OCIAD1: variants seen among roughly 807,000 people sequenced by gnomAD.
The protein encoded by OCIAD1 is OCIA domain containing 1.
A neutral mutation model predicts 38.9 loss-of-function variants in OCIAD1; 29 were observed. That is an observed-to-expected ratio of 0.74 (90% CI 0.55 to 1.02). OCIAD1 has a LOEUF of 1.02. Ranked by LOEUF, OCIAD1 falls within the 50% of genes least tolerant of loss-of-function variation. The pLI is 0.00. For synonymous variants in OCIAD1, 110 were observed against 92.0 expected (o/e 1.20, Z -1.12); for missense variants, 288 against 289.6 (o/e 0.99, Z 0.04).
chr4:48,828,901 A>T (rs1188633759), upstream of OCIAD1, among the ~76,000 whole-genome samples: 1 of 152,200 alleles, frequency 6.6e-6, no homozygotes, highest in Non-Finnish European at 1.5e-5. Flanking sequence ...CTGGCTCAGT[A>T]AGTATAAAGA....
At chr4:48,852,743 C>CA (rs1216873636) in intron 7 of OCIAD1, among the ~76,000 whole-genome samples, 13 of 151,876 alleles carry the variant, frequency 8.6e-5, no homozygotes, top group African/African-American at 2.7e-4. Flanking sequence ...ATAATAGACT[C>CA]AAAAAACATT....
intron 1 of OCIAD1, among the ~76,000 whole-genome samples, chr4:48,807,684 C>G (rs1266232489): frequency 6.6e-6 from 1 of 152,146 alleles, no homozygotes; most frequent in Non-Finnish European, 1.5e-5. Flanking sequence ...CAAGCAAAAT[C>G]AACTGAGAGC....
At chr4:48,812,131 A>C (rs1366693977) in intron 1 of OCIAD1, among the ~76,000 whole-genome samples, 1 of 151,742 alleles carries the variant, frequency 6.6e-6, no homozygotes, top group Non-Finnish European at 1.5e-5. Flanking sequence ...AAATACAAAA[A>C]AATTAGCCAG....
intron 1 of OCIAD1, among the ~76,000 whole-genome samples, chr4:48,813,084 C>T (rs1480205267): frequency 6.6e-6 from 1 of 152,192 alleles, no homozygotes; most frequent in Non-Finnish European, 1.5e-5. Flanking sequence ...ATTCCACAGG[C>T]TCTTGTCATG....
At chr4:48,805,873 A>G (rs1355225527) in intron 1 of OCIAD1, among the ~76,000 whole-genome samples, 4 of 152,228 alleles carry the variant, frequency 2.6e-5, no homozygotes, top group Non-Finnish European at 5.9e-5. Context: ...TGATCTCTAG[A>G]AAAGATAATA....
At chr4:48,805,985 CG>C (rs1560404989) in intron 1 of OCIAD1, among the ~76,000 whole-genome samples, 1 of 152,072 alleles carries the variant, frequency 6.6e-6, no homozygotes, top group East Asian at 1.9e-4. Flanking sequence ...AAAAACAGGC[CG>C]GGCATGGTGG....
chr4:48,821,920 C>T (rs1229702048), intron 1 of OCIAD1, among the ~76,000 whole-genome samples: 1 of 152,168 alleles, frequency 6.6e-6, no homozygotes, highest in East Asian at 1.9e-4. Context: ...GAAAAACATT[C>T]CATGCTCATG....
chr4:48,855,724 G>A (rs1345235873), intron 7 of OCIAD1, among the ~76,000 whole-genome samples: 1 of 151,786 alleles, frequency 6.6e-6, no homozygotes, highest in South Asian at 2.1e-4. Flanking sequence ...GCTCAGGCAG[G>A]ACAATCACTG....
In OCIAD1 at chr4:48,861,350, A is replaced by G. The variant is rs1037349090; in HGVS notation, c.*588A>G. On this transcript the variant is annotated 3_prime_UTR_variant, in exon 9 of 9. Coordinates refer to ENST00000264312, the MANE Select transcript of OCIAD1 (RefSeq NM_017830.4). ...GTAGGTATAGGAAATAAAGTCATCT[A>G]TAATATTTCTATAATATGGCTATAA... 1.5e-4 allele frequency: 23 copies of G among 152,280 alleles called. No homozygotes were observed. Among genetic ancestry groups the G allele is most frequent in the African/African-American group, 5.1e-4 (21 of 41,444 alleles). The allele number at this position is 152,280 out of a possible 1,614,324, so 9.4% of individuals were successfully genotyped here.
upstream of OCIAD1, among the ~76,000 whole-genome samples, chr4:48,829,129 G>A (rs1190687408): frequency 6.6e-6 from 1 of 152,010 alleles, no homozygotes; most frequent in Non-Finnish European, 1.5e-5. Context: ...GCGTGGTGGT[G>A]CACACCTGTG....
intron 5 of OCIAD1, 37 bp from the exon 6 acceptor site, chr4:48,849,910 C>T: frequency 1.9e-6 from 3 of 1,555,910 alleles, no homozygotes; most frequent in Middle Eastern, 1.7e-4. Flanking sequence ...CTGAAAGGCA[C>T]ATTCAGTTAC....
At chr4:48,845,153 G>GA (rs1360764740) in intron 4 of OCIAD1, among the ~76,000 whole-genome samples, 6 of 150,034 alleles carry the variant, frequency 4.0e-5, no homozygotes, top group Admixed American at 1.3e-4. Context: ...ACATTAAAAA[G>GA]AAAAAAAAAT....
At chr4:48,844,688 C>T (rs370502920) in intron 4 of OCIAD1, among the ~76,000 whole-genome samples, 1 of 152,038 alleles carries the variant, frequency 6.6e-6, no homozygotes, top group African/African-American at 2.4e-5. Flanking sequence ...TGCATTTAAT[C>T]AAAATCCCTG....
intron 1 of OCIAD1, among the ~76,000 whole-genome samples, chr4:48,810,151 T>C (rs1777070338): frequency 6.6e-6 from 1 of 152,120 alleles, no homozygotes; most frequent in Admixed American, 6.6e-5. Context: ...AAAATCTAGA[T>C]TTTTAGGAGC....
intron 3 of OCIAD1, among the ~76,000 whole-genome samples, chr4:48,841,838 C>T (rs985798114): frequency 2.6e-5 from 4 of 152,160 alleles, no homozygotes; most frequent in African/African-American, 9.6e-5. Context: ...GGATTTTTCA[C>T]TCTCGGTTTT....
chr4:48,813,602 TG>T (rs1400476626), intron 1 of OCIAD1, among the ~76,000 whole-genome samples: 6 of 152,196 alleles, frequency 3.9e-5, no homozygotes, highest in Admixed American at 6.5e-5. Flanking sequence ...TGCAGTGAAC[TG>T]GGGATCAGAT....
At chr4:48,849,464 T>G (rs1238659501) in intron 5 of OCIAD1, among the ~76,000 whole-genome samples, 1 of 152,212 alleles carries the variant, frequency 6.6e-6, no homozygotes, top group Non-Finnish European at 1.5e-5. Flanking sequence ...ATTTATTACT[T>G]TAAGGGATTT....
chr4:48,833,992 G>A (rs967654299), intron 3 of OCIAD1, among the ~76,000 whole-genome samples: 22 of 151,774 alleles, frequency 1.4e-4, no homozygotes, highest in African/African-American at 4.1e-4. Flanking sequence ...CTTGATTTCT[G>A]ATTAAAGAAA....
intron 1 of OCIAD1, chr4:48,831,606 T>C (rs1025305145): frequency 4.9e-6 from 6 of 1,222,956 alleles, no homozygotes; most frequent in Non-Finnish European, 3.2e-6. Context: ...TGGTATTGTC[T>C]TAAGCGCCGT....
Sources: allele counts gnomAD v4.1 joint callset (sites outside exome capture counted in the v4.1 genomes callset), GRCh38; gene constraint gnomAD v4.1.1; transcripts MANE v1.5; gene names NCBI Gene and HGNC (gene_info 2026-07-23, HGNC 2026-07-21).